Variants in MMP16 observed in about 807,000 individuals in gnomAD.
MMP16 encodes the protein matrix metalloproteinase-16.
Under a neutral mutation model 67.8 loss-of-function variants are expected in MMP16, and 12 were observed. The ratio of observed to expected loss-of-function variants is 0.18; its 90% CI spans 0.11 to 0.29. The LOEUF (loss-of-function observed/expected upper bound fraction) is 0.29. Among genes scored for constraint, MMP16 ranks in the 10% least tolerant of loss-of-function variants. The pLI is 1.00. For missense variants in MMP16, 475 were observed against 765.7 expected (o/e 0.62, Z 4.48); for synonymous variants, 249 against 255.9 (o/e 0.97, Z 0.26).
chr8:88,252,259 C>G (rs998432422), intron 1 of MMP16, among the ~76,000 whole-genome samples: 2 of 152,150 alleles, frequency 1.3e-5, no homozygotes, highest in African/African-American at 4.8e-5. Flanking sequence ...GTCCTCTAGT[C>G]TTTATGACCC....
At chr8:88,109,541 A>G (rs1809299187) in intron 6 of MMP16, among the ~76,000 whole-genome samples, 1 of 151,346 alleles carries the variant, frequency 6.6e-6, no homozygotes, top group African/African-American at 2.4e-5. Context: ...CCAAGAATAA[A>G]GTCTAATTTT....
chr8:88,124,413 A>C (rs1179677024), intron 4 of MMP16, among the ~76,000 whole-genome samples: 1 of 151,900 alleles, frequency 6.6e-6, no homozygotes, highest in East Asian at 2.0e-4. Context: ...TTGACAATGG[A>C]ACTTGACCAA....
intron 6 of MMP16, among the ~76,000 whole-genome samples, chr8:88,094,452 T>A (rs2118355906): frequency 6.6e-6 from 1 of 151,818 alleles, no homozygotes; most frequent in South Asian, 2.1e-4. Flanking sequence ...GGGCTATTGC[T>A]TTATTTTTAA....
chr8:88,250,745 T>TTCC (rs961656625), intron 1 of MMP16, among the ~76,000 whole-genome samples: 78 of 151,892 alleles, frequency 5.1e-4, no homozygotes, highest in African/African-American at 1.8e-3. Flanking sequence ...TGGTGTAGTC[T>TTCC]TCCTAATCCT....
chr8:88,262,886 G>C (rs1035195532), intron 1 of MMP16, among the ~76,000 whole-genome samples: 1 of 146,026 alleles, frequency 6.8e-6, no homozygotes, highest in African/African-American at 2.5e-5. Flanking sequence ...TTAGCCGAGC[G>C]TGGTAGCGGG....
intron 1 of MMP16, among the ~76,000 whole-genome samples, chr8:88,276,793 T>G (rs971231272): frequency 6.6e-6 from 1 of 152,128 alleles, no homozygotes; most frequent in African/African-American, 2.4e-5. Flanking sequence ...GAGTAAGATT[T>G]ATTAACCACT....
intron 7 of MMP16, among the ~76,000 whole-genome samples, chr8:88,062,807 A>T (rs1038399739): frequency 3.3e-5 from 5 of 151,940 alleles, no homozygotes; most frequent in South Asian, 2.1e-4. Context: ...AAAGTATAAT[A>T]AAAAAAATTA....
At chr8:88,073,181 A>C (rs1203787068) in intron 7 of MMP16, among the ~76,000 whole-genome samples, 1 of 152,094 alleles carries the variant, frequency 6.6e-6, no homozygotes, top group Non-Finnish European at 1.5e-5. Flanking sequence ...AGGAGAGGGG[A>C]ATTTCCCTCC....
intron 1 of MMP16, among the ~76,000 whole-genome samples, chr8:88,302,604 A>G (rs1811120980): frequency 6.6e-6 from 1 of 152,196 alleles, no homozygotes; most frequent in Non-Finnish European, 1.5e-5. Flanking sequence ...AAGGGGATGA[A>G]AAAAAGTAGG....
chr8:88,271,019 A>G (rs1431487829), intron 1 of MMP16, among the ~76,000 whole-genome samples: 1 of 152,224 alleles, frequency 6.6e-6, no homozygotes, highest in Non-Finnish European at 1.5e-5. Context: ...AGATGAATGA[A>G]TAATAAATGA....
Position 88,157,667 on chromosome 8 carries a change from A to T in MMP16, c.709+10002T>A, listed in dbSNP as rs537631801. Among the ~76,000 whole-genome samples the T allele has an allele frequency of 2.0e-5, 3 of 151,198 alleles. No homozygotes were observed. The South Asian group carries it at 6.3e-4, about 32-fold the overall frequency. On this transcript the variant is annotated intron_variant, in intron 4 of 9. Coordinates refer to ENST00000286614, the MANE Select transcript of MMP16 (RefSeq NM_005941.5). The stretch of plus-strand genomic sequence containing the variant: ...AGGAATTTCTGGTTTCATCTGCTTC[A>T]TTTTATTTTATCTTTTTATTATACT...
intron 1 of MMP16, among the ~76,000 whole-genome samples, chr8:88,284,560 G>C (rs1266240443): frequency 6.6e-6 from 1 of 151,836 alleles, no homozygotes; most frequent in African/African-American, 2.4e-5. Flanking sequence ...AACACAGCCT[G>C]TTGTCTCCTT....
intron 4 of MMP16, among the ~76,000 whole-genome samples, chr8:88,127,575 G>A (rs1323517127): frequency 6.6e-6 from 1 of 151,696 alleles, no homozygotes; most frequent in East Asian, 1.9e-4. Flanking sequence ...CAAATTCCAT[G>A]TAAAGATCAT....
rs531364273 is a variant in MMP16 at position 88,189,903 on chromosome 8, A to C, written c.282-3305T>G. Among the ~76,000 whole-genome samples the C allele has an allele frequency of 2.0e-5, 3 of 152,316 alleles. No individual in the cohort carries two copies. In the East Asian group the frequency reaches 5.8e-4, roughly 29 times the overall value. ...ACCTGTGAGTGAGGGTAGAGAGCCA[A>C]GCATGAGGTCAGTGCCTAGTGAAGT... On this transcript the variant is annotated intron_variant, in intron 2 of 9. Coordinates refer to ENST00000286614, the MANE Select transcript of MMP16 (RefSeq NM_005941.5).
At chr8:88,133,966 GCA>G (rs959354228) in intron 4 of MMP16, among the ~76,000 whole-genome samples, 2 of 151,806 alleles carry the variant, frequency 1.3e-5, no homozygotes, top group East Asian at 1.9e-4. Flanking sequence ...ACAGCATTAA[GCA>G]CAGTTTTCTG....
At chr8:88,148,846 T>G (rs1033796201) in intron 4 of MMP16, among the ~76,000 whole-genome samples, 2 of 152,136 alleles carry the variant, frequency 1.3e-5, no homozygotes, top group Admixed American at 1.3e-4. Flanking sequence ...ATACGTGTAT[T>G]ATGGGGAGGA....
chr8:88,177,921 G>A (rs151112619), intron 3 of MMP16, among the ~76,000 whole-genome samples: 8 of 151,420 alleles, frequency 5.3e-5, no homozygotes, highest in African/African-American at 1.7e-4. Context: ...ATAGTTTAAA[G>A]ATGAGATATA....
chr8:88,215,822 C>T (rs1312655136), intron 1 of MMP16, among the ~76,000 whole-genome samples: 3 of 152,088 alleles, frequency 2.0e-5, no homozygotes, highest in Admixed American at 6.6e-5. Flanking sequence ...GAGTGTGCAG[C>T]CTTTTTCGTG....
Position 88,041,802 on chromosome 8 carries a change from G to C in MMP16, c.1490-7C>G. The C allele has an allele frequency of 6.3e-7, 1 of 1,588,738 alleles. No individual in the cohort carries two copies. The highest frequency in any genetic ancestry group is 1.1e-5 in the South Asian group (1 of 88,188). Reference sequence around the variant, plus strand: ...TTGTAGAAATACGTAAAGCCTAGGGGGAAAAACATACACACACACAGGTAC... The same window carrying C: ...TTGTAGAAATACGTAAAGCCTAGGGCGAAAAACATACACACACACAGGTAC... On this transcript the variant is annotated splice_polypyrimidine_tract_variant and splice_region_variant and intron_variant, in intron 9 of 9. Coordinates refer to ENST00000286614, the MANE Select transcript of MMP16 (RefSeq NM_005941.5). The surrounding 1 kb of genome is among the most constrained non-coding windows in gnomAD (Gnocchi z 6.0).
Sources: gnomAD v4.1 joint callset for allele counts (sites outside exome capture counted in the v4.1 genomes callset) on GRCh38, gnomAD v4.1.1 for gene constraint, Gnocchi (gnomAD v3.1) non-coding constraint, MANE v1.5 for transcripts, NCBI Gene and HGNC (gene_info 2026-07-23, HGNC 2026-07-21) for gene names.